The following HTR4 variants were observed in gnomAD, a reference collection of about 807,000 sequenced individuals.
The protein encoded by HTR4 is 5-hydroxytryptamine (serotonin) receptor 4, G protein-coupled.
Under a neutral mutation model 36.8 loss-of-function variants are expected in HTR4, and 16 were observed. That is an observed-to-expected ratio of 0.43 (90% confidence interval 0.29 to 0.66). HTR4 has a LOEUF of 0.66. Among genes scored for constraint, HTR4 ranks in the 30% least tolerant of loss-of-function variants. The pLI, the probability that HTR4 is intolerant of heterozygous loss-of-function variation, is 0.13. For synonymous variants in HTR4, 189 were observed against 185.1 expected, an observed-to-expected ratio of 1.02 and a Z score of -0.17; for missense variants, 438 against 490.9, an observed-to-expected ratio of 0.89 and a Z score of 1.02.
intron 5 of HTR4, chr5:148,520,989 A>G (rs758136781): frequency 7.3e-7 from 1 of 1,367,668 alleles, no homozygotes; most frequent in Non-Finnish European, 9.8e-7. Context: ...GGCAGGACTA[A>G]GGGCTAAGAA....
chr5:148,520,235 T>C (rs1409969083), intron 5 of HTR4, among the ~76,000 whole-genome samples: 1 of 152,134 alleles, frequency 6.6e-6, no homozygotes, highest in Non-Finnish European at 1.5e-5. Context: ...TGCAAATGAG[T>C]GGACAGATAT....
intron 2 of HTR4, among the ~76,000 whole-genome samples, chr5:148,596,892 G>A (rs1468543952): frequency 1.3e-5 from 2 of 152,152 alleles, no homozygotes; most frequent in Non-Finnish European, 2.9e-5. Flanking sequence ...CCCTGACTTT[G>A]TGTAGCTAAT....
Position 148,482,788 on chromosome 5 carries a change from A to G in HTR4, c.*415T>C. ...GCTAAGACAGGAACAGAGAGGGAGT[A>G]TTTTGTTGATATCTGGAAGCCCACA... On this transcript the variant is annotated 3_prime_UTR_variant, in exon 7 of 7. Coordinates refer to ENST00000377888, the MANE Select transcript of HTR4 (RefSeq NM_000870.7). 1 of 1,043,526 alleles carries G rather than the reference A, an allele frequency of 9.6e-7. No homozygotes were observed. Among genetic ancestry groups the G allele is most frequent in the Non-Finnish European group, 1.2e-6 (1 of 863,116 alleles). 64.6% of individuals were successfully genotyped at this position (1,043,526 alleles called of 1,614,324 possible). A position where few individuals can be genotyped will look rare whatever the true frequency, so the allele number is the denominator to read the frequency against.
intron 2 of HTR4, among the ~76,000 whole-genome samples, chr5:148,595,076 A>G (rs918472320): frequency 6.7e-6 from 1 of 150,266 alleles, no homozygotes; most frequent in African/African-American, 2.5e-5. Context: ...TTTTCTCTGA[A>G]AACAGTTTTT....
intron 6 of HTR4, chr5:148,484,478 GTTTC>G: frequency 8.6e-7 from 1 of 1,166,102 alleles, no homozygotes; most frequent in Non-Finnish European, 1.2e-6. Context: ...TAGCTTTAGT[GTTTC>G]TTGAAAAATT....
At chr5:148,549,763 T>C (rs1759589395) in intron 3 of HTR4, among the ~76,000 whole-genome samples, 1 of 142,886 alleles carries the variant, frequency 7.0e-6, no homozygotes, top group South Asian at 2.2e-4. Flanking sequence ...ACTGATGAAG[T>C]AGAAGTGCAA....
intron 2 of HTR4, among the ~76,000 whole-genome samples, chr5:148,633,666 T>C (rs1043121405): frequency 1.3e-5 from 2 of 152,068 alleles, no homozygotes; most frequent in Non-Finnish European, 2.9e-5. Context: ...AATACTTTAG[T>C]TCAGTGATTG....
chr5:148,543,669 A>G (rs1759230613), intron 4 of HTR4, among the ~76,000 whole-genome samples: 1 of 152,182 alleles, frequency 6.6e-6, no homozygotes, highest in African/African-American at 2.4e-5. Context: ...ATTATGTTCT[A>G]CTTGTGAACT....
intron 5 of HTR4, among the ~76,000 whole-genome samples, chr5:148,520,207 C>G (rs190753009): frequency 6.6e-6 from 1 of 152,290 alleles, no homozygotes; most frequent in Admixed American, 6.5e-5. Flanking sequence ...GCTAGCTTCT[C>G]TCTAGGCAGG....
At chr5:148,490,650 A>G in intron 6 of HTR4, 1 of 1,177,440 alleles carries the variant, frequency 8.5e-7, no homozygotes, top group African/African-American at 1.6e-5. Context: ...CCAGTTACTG[A>G]TATTCGGTCA....
intron 6 of HTR4, among the ~76,000 whole-genome samples, chr5:148,505,930 C>G (rs561955019): frequency 6.6e-6 from 1 of 151,886 alleles, no homozygotes; most frequent in African/African-American, 2.4e-5. Context: ...ATCAATATCG[C>G]GAAAATGGCC....
chr5:148,573,697 T>C (rs1305947759), intron 2 of HTR4, among the ~76,000 whole-genome samples: 1 of 151,958 alleles, frequency 6.6e-6, no homozygotes, highest in East Asian at 1.9e-4. Context: ...ACCTCCTGGG[T>C]CTAGACAAGG....
intron 4 of HTR4, among the ~76,000 whole-genome samples, chr5:148,541,581 A>T (rs1303643050): frequency 6.6e-6 from 1 of 152,214 alleles, no homozygotes. Context: ...GACACATGTT[A>T]TCTGAGTATT....
intron 6 of HTR4, among the ~76,000 whole-genome samples, chr5:148,494,667 T>C (rs1756607418): frequency 6.6e-6 from 1 of 152,224 alleles, no homozygotes; most frequent in Admixed American, 6.5e-5. Context: ...TTGTATTGCC[T>C]CCTTCCAGAG....
At chr5:148,562,747 C>T (rs1760270371) in intron 2 of HTR4, among the ~76,000 whole-genome samples, 1 of 152,186 alleles carries the variant, frequency 6.6e-6, no homozygotes, top group South Asian at 2.1e-4. Context: ...TCTATTTCTC[C>T]AGTTGCTCAG....
At chr5:148,586,352 C>A (rs1409542791) in intron 2 of HTR4, among the ~76,000 whole-genome samples, 3 of 151,844 alleles carry the variant, frequency 2.0e-5, no homozygotes, top group Admixed American at 6.6e-5. Flanking sequence ...ATGAATAAAT[C>A]CTGGAGCCAT....
In HTR4 at chr5:148,483,275, A is replaced by G; in HGVS notation, c.1095T>C (p.Gly365=). The G allele has an allele frequency of 3.1e-6, 5 of 1,613,648 alleles. No homozygotes were observed. The highest frequency in any genetic ancestry group is 4.2e-6 in the Non-Finnish European group (5 of 1,179,780). ...GGTGACACTGACTCTCCCACTGGCCACCACACTCCACTGCATCCCTAGAGA... is the reference window on the plus strand; with the variant it reads ...GGTGACACTGACTCTCCCACTGGCCGCCACACTCCACTGCATCCCTAGAGA... The part of the protein sequence containing the change: ...THVLRDAVEC[G]GQWESQCHPP... The change falls in exon 7 of 7, where the codon GGT becomes GGC. Residue 365 remains glycine, a synonymous_variant. Coordinates refer to ENST00000377888, the MANE Select transcript of HTR4 (RefSeq NM_000870.7).
intron 4 of HTR4, among the ~76,000 whole-genome samples, chr5:148,548,376 T>G (rs1486377909): frequency 6.6e-6 from 1 of 152,186 alleles, no homozygotes; most frequent in Non-Finnish European, 1.5e-5. Context: ...AGTATAAAAT[T>G]TACAGCTCTA....
At chr5:148,484,279 C>A (rs1258804919) in intron 6 of HTR4, 3 of 1,613,380 alleles carry the variant, frequency 1.9e-6, no homozygotes, top group Non-Finnish European at 2.5e-6. Flanking sequence ...GGCTTCCTTG[C>A]AGTCAAACAT....
Sources: gnomAD v4.1 joint callset for allele counts (sites outside exome capture counted in the v4.1 genomes callset) on GRCh38, gnomAD v4.1.1 for gene constraint, MANE v1.5 for transcripts, NCBI Gene and HGNC (gene_info 2026-07-23, HGNC 2026-07-21) for gene names.